DCAF8L2: variants seen among roughly 807,000 people sequenced by gnomAD.
DCAF8L2 encodes DDB1- and CUL4-associated factor 8-like protein 2.
For missense variants in DCAF8L2, 430 were observed against 490.7 expected (o/e 0.88, Z 1.17); for synonymous variants, 200 against 190.9 (o/e 1.05, Z -0.39).
chrX:27,653,838 T>G (rs1303922238), intron 2 of DCAF8L2, among the ~76,000 whole-genome samples: 1 of 111,019 alleles, frequency 9.0e-6, no homozygotes, highest in Non-Finnish European at 1.9e-5. Context: ...TTATGTTTTT[T>G]CTTCCTTTAA....
chrX:27,631,448 T>C (rs1245565208), intron 1 of DCAF8L2, among the ~76,000 whole-genome samples: 1 of 112,607 alleles, frequency 8.9e-6, no homozygotes, highest in Non-Finnish European at 1.9e-5. Flanking sequence ...TATTATTCTC[T>C]ATCTGCTCCA....
At chrX:27,735,793 T>C (rs1178417461) in intron 4 of DCAF8L2, among the ~76,000 whole-genome samples, 3 of 111,679 alleles carry the variant, frequency 2.7e-5, no homozygotes, top group Non-Finnish European at 5.6e-5. Context: ...GCATCCACTG[T>C]GTAGCAGCCA....
intron 1 of DCAF8L2, among the ~76,000 whole-genome samples, chrX:27,623,597 T>C (rs1299600926): frequency 2.7e-5 from 3 of 111,008 alleles, no homozygotes; most frequent in African/African-American, 9.8e-5. Context: ...GTTACAACTT[T>C]CTACTTACTG....
intron 1 of DCAF8L2, among the ~76,000 whole-genome samples, chrX:27,626,692 A>G (rs1361404372): frequency 8.9e-6 from 1 of 112,159 alleles, no homozygotes; most frequent in Non-Finnish European, 1.9e-5. Flanking sequence ...GAATAAATAC[A>G]TACTTGTTTC....
intron 4 of DCAF8L2, among the ~76,000 whole-genome samples, chrX:27,717,851 G>A (rs891433755): frequency 2.1e-4 from 23 of 111,961 alleles, no homozygotes; most frequent in African/African-American, 7.1e-4. Context: ...AATTTTTAAA[G>A]TACATACAAG....
intron 3 of DCAF8L2, among the ~76,000 whole-genome samples, chrX:27,715,520 A>T (rs1931671543): frequency 8.9e-6 from 1 of 111,820 alleles, no homozygotes; most frequent in Non-Finnish European, 1.9e-5. Flanking sequence ...AGTTACTTAT[A>T]CCTCAGGATC....
the DCAF8L2 span, among the ~76,000 whole-genome samples, chrX:27,530,352 C>T: frequency 1.8e-5 from 2 of 110,600 alleles, no homozygotes; most frequent in Non-Finnish European, 3.8e-5. Context: ...ATACTCCCCC[C>T]CCAAACCCCG....
chrX:27,708,063 T>G (rs1338393580), intron 3 of DCAF8L2, among the ~76,000 whole-genome samples: 1 of 111,437 alleles, frequency 9.0e-6, no homozygotes, highest in Non-Finnish European at 1.9e-5. Context: ...TTTACCTGGA[T>G]ATATTGAGTG....
chrX:27,524,472 A>T, the DCAF8L2 span, among the ~76,000 whole-genome samples: 1 of 110,888 alleles, frequency 9.0e-6, no homozygotes, highest in Non-Finnish European at 1.9e-5. Flanking sequence ...GATCTTTTCA[A>T]AAAACCAGCT....
At chrX:27,523,932 G>A in the DCAF8L2 span, among the ~76,000 whole-genome samples, 5 of 111,002 alleles carry the variant, frequency 4.5e-5, no homozygotes, top group East Asian at 5.7e-4. Flanking sequence ...TCCGTTTGCC[G>A]GTATTTTATT....
Position 27,747,061 on chromosome X carries a change from G to A in DCAF8L2, c.166G>A (p.Asp56Asn), listed in dbSNP as rs1922216637. The A allele has an allele frequency of 8.6e-7, 1 of 1,167,698 alleles. No homozygotes were observed. Among genetic ancestry groups the A allele is most frequent in the African/African-American group, 1.8e-5 (1 of 55,656 alleles). The change falls in exon 5 of 5, where the codon GAT becomes AAT. Residue 56 changes from aspartate to asparagine, a missense_variant. Asp to Asn is a conservative substitution (Grantham distance 23). Transcript: ENST00000451261. ...TGTGACAGTGACCGGAGATGGCAGT[G>A]ATAGCAGGGATGGTGGATTCCCCAA... The part of the protein sequence containing the change: ...LSVTVTGDGS[D>N]SRDGGFPNDA...
At chrX:27,517,888 A>G in the DCAF8L2 span, 15 of 1,121,445 alleles carry the variant, frequency 1.3e-5, no homozygotes, top group Admixed American at 4.4e-5. Flanking sequence ...TTTGTGCCCA[A>G]TACAACTGGC....
chrX:27,497,778 A>G, the DCAF8L2 span, among the ~76,000 whole-genome samples: 57,680 of 109,927 alleles, frequency 0.52, 12,594 homozygotes, highest in South Asian at 0.75. Context: ...CATATTGGCC[A>G]GGCTGGCCTC....
At chrX:27,687,402 G>A (rs1779419353) in intron 3 of DCAF8L2, among the ~76,000 whole-genome samples, 1 of 111,830 alleles carries the variant, frequency 8.9e-6, no homozygotes, top group Non-Finnish European at 1.9e-5. Context: ...TCAAAATAAG[G>A]TAGCAAGAGA....
At chrX:27,519,960 A>C in the DCAF8L2 span, among the ~76,000 whole-genome samples, 1 of 112,075 alleles carries the variant, frequency 8.9e-6, no homozygotes, top group Admixed American at 9.5e-5. Flanking sequence ...AAATATTGAT[A>C]AATTAGATGA....
the DCAF8L2 span, chrX:27,519,369 A>G: frequency 3.5e-6 from 4 of 1,154,840 alleles, no homozygotes; most frequent in South Asian, 7.2e-5. Flanking sequence ...CCGTAGCAAA[A>G]CAAGCTGCCG....
intron 4 of DCAF8L2, among the ~76,000 whole-genome samples, chrX:27,731,476 G>A (rs1258611215): frequency 9.0e-6 from 1 of 111,592 alleles, no homozygotes; most frequent in Non-Finnish European, 1.9e-5. Context: ...TAGGAAGTCT[G>A]AAATCAAGGT....
intron 3 of DCAF8L2, among the ~76,000 whole-genome samples, chrX:27,701,167 A>C (rs1019680675): frequency 9.0e-6 from 1 of 111,493 alleles, no homozygotes; most frequent in Non-Finnish European, 1.9e-5. Flanking sequence ...AGTTTTTATT[A>C]ATTCAACACC....
the DCAF8L2 span, among the ~76,000 whole-genome samples, chrX:27,539,980 T>A: frequency 4.5e-5 from 5 of 110,331 alleles, no homozygotes; most frequent in East Asian, 1.4e-3. Context: ...TTCATTTCAG[T>A]CCTTAAAATC....
Sources: gnomAD v4.1 joint callset for allele counts (sites outside exome capture counted in the v4.1 genomes callset) on GRCh38, gnomAD v4.1.1 for gene constraint, MANE v1.5 for transcripts, NCBI Gene and HGNC (gene_info 2026-07-23, HGNC 2026-07-21) for gene names.